The following GBF1 variants were observed in gnomAD, a reference collection of about 807,000 sequenced individuals.
GBF1 encodes the protein Golgi-specific brefeldin A-resistance guanine nucleotide exchange factor 1.
Under a neutral mutation model 210.5 loss-of-function variants are expected in GBF1, and 114 were observed. The observed-to-expected ratio is 0.54, with a 90% CI of 0.47 to 0.63. The LOEUF is 0.63. GBF1 is among the 30% of genes least tolerant of loss of function. GBF1 has a pLI of 0.00. For missense variants in GBF1, 1,851 were observed against 2,357.7 expected (o/e 0.79, Z 4.45); for synonymous variants, 850 against 889.2 (o/e 0.96, Z 0.78).
chr10:102,351,381 G>A lies in GBF1; in HGVS notation c.414+7G>A, dbSNP rs779363366. ...CCTGATGAAAATCCTTCAGGTAAGC[G>A]AGAGGGAAATAGCAATTAGGCTAAT... On this transcript the variant is annotated splice_region_variant and intron_variant, in intron 5 of 39. Coordinates refer to ENST00000369983, the MANE Select transcript of GBF1 (RefSeq NM_001377137.1). The A allele has an allele frequency of 1.1e-5, 16 of 1,446,860 alleles. No homozygotes were observed. The African/African-American group carries it at 1.7e-4, about 15-fold the overall frequency. 89.6% of individuals were successfully genotyped at this position (1,446,860 alleles called of 1,614,324 possible). A position where few individuals can be genotyped will look rare whatever the true frequency, so the allele number is the denominator to read the frequency against.
At chr10:102,316,277 G>A (rs181202390) in intron 3 of GBF1, among the ~76,000 whole-genome samples, 298 of 152,054 alleles carry the variant, frequency 2.0e-3, no homozygotes, top group African/African-American at 6.8e-3. Context: ...AGTAGAGATG[G>A]GATTTCACCG....
chr10:102,311,975 G>A (rs1038728376), intron 3 of GBF1, among the ~76,000 whole-genome samples: 26 of 152,240 alleles, frequency 1.7e-4, no homozygotes, highest in African/African-American at 6.3e-4. Context: ...TATAAGTATG[G>A]TGCACTGTTC....
At chr10:102,237,320 C>T in the GBF1 span, among the ~76,000 whole-genome samples, 11,952 of 152,046 alleles carry the variant, frequency 0.079, 541 homozygotes, top group African/African-American at 0.12. Context: ...ATTGGGAGTT[C>T]AAGAGGAAGA....
In GBF1 at chr10:102,260,123, C is replaced by T. The variant is rs777263649; in HGVS notation, c.163+7C>T. 3 of 1,404,966 alleles carry T rather than the reference C, an allele frequency of 2.1e-6. No individual in the cohort carries two copies. The highest frequency in any genetic ancestry group is 3.0e-6 in the Non-Finnish European group (3 of 993,250). 87.0% of individuals were successfully genotyped at this position (1,404,966 alleles called of 1,614,324 possible). ...GTTTTAAACAGTATAACAGGTAAGTCTCCATATGTATGTGGATTACTAATC... is the reference window on the plus strand; with the variant it reads ...GTTTTAAACAGTATAACAGGTAAGTTTCCATATGTATGTGGATTACTAATC... On this transcript the variant is annotated splice_region_variant and intron_variant, in intron 3 of 39. Coordinates refer to ENST00000369983, the MANE Select transcript of GBF1 (RefSeq NM_001377137.1).
At chr10:102,303,358 G>T (rs1458005761) in intron 3 of GBF1, among the ~76,000 whole-genome samples, 1 of 152,162 alleles carries the variant, frequency 6.6e-6, no homozygotes, top group Non-Finnish European at 1.5e-5. Flanking sequence ...AGTTGTCCCA[G>T]CAACATTTGT....
intron 13 of GBF1, 149 bp downstream of exon 13, chr10:102,361,269 C>T: frequency 1.6e-6 from 1 of 612,866 alleles, no homozygotes; most frequent in Non-Finnish European, 2.9e-6. Context: ...TCGGTTCAAT[C>T]AACTGGCCTC....
At chr10:102,377,595 C>G (rs562519590) in intron 33 of GBF1, among the ~76,000 whole-genome samples, 4 of 152,094 alleles carry the variant, frequency 2.6e-5, no homozygotes, top group African/African-American at 9.7e-5. Context: ...CCTCGTGATC[C>G]GCCTGCCTCG....
At position 102,366,676 on chromosome 10, in the gene GBF1, C is replaced by T. The variant is rs1303234329; in HGVS notation, c.2433+170C>T. 6.6e-6 allele frequency among the ~76,000 whole-genome samples: 1 copy of T among 151,682 alleles called. No individual in the cohort carries two copies. Among genetic ancestry groups the T allele is most frequent in the Non-Finnish European group, 1.5e-5 (1 of 67,904 alleles). Reference sequence around the variant, plus strand: ...GTCTCAGCACACTGCAACCTCCACCCCCCGGGTTCAAGCAATTCTCCTGCC... The same window carrying T: ...GTCTCAGCACACTGCAACCTCCACCTCCCGGGTTCAAGCAATTCTCCTGCC... On this transcript the variant is annotated intron_variant, in intron 19 of 39. Transcript: ENST00000369983. The surrounding 1 kb of genome is among the most constrained non-coding windows in gnomAD (Gnocchi z 4.0).
At chr10:102,369,527 A>G (rs910050296) in intron 24 of GBF1, 140 bp downstream of exon 24, 18 of 869,854 alleles carry the variant, frequency 2.1e-5, no homozygotes, top group Non-Finnish European at 2.9e-5. Flanking sequence ...CCTCAAATGT[A>G]AGACCACAGA....
upstream of GBF1, among the ~76,000 whole-genome samples, chr10:102,240,907 G>C (rs1394112445): frequency 6.6e-6 from 1 of 152,202 alleles, no homozygotes; most frequent in East Asian, 1.9e-4. Context: ...CCTAGGCCGA[G>C]GGGCATCGGG....
chr10:102,324,051 AAG>A (rs1477200011), intron 3 of GBF1, among the ~76,000 whole-genome samples: 2 of 152,144 alleles, frequency 1.3e-5, no homozygotes, highest in Non-Finnish European at 2.9e-5. Flanking sequence ...AAGTGGAAAA[AAG>A]AGAGTATTAT....
chr10:102,297,150 G>A (rs983086119), intron 3 of GBF1, among the ~76,000 whole-genome samples: 55 of 152,204 alleles, frequency 3.6e-4, no homozygotes, highest in African/African-American at 1.2e-3. Flanking sequence ...GTTCTATTTG[G>A]TCCCCAAGTG....
chr10:102,274,037 G>C (rs754702192), intron 3 of GBF1, among the ~76,000 whole-genome samples: 94 of 152,292 alleles, frequency 6.2e-4, no homozygotes, highest in Non-Finnish European at 3.7e-4. Context: ...TTTTCTGTTA[G>C]TGGAAGTTCA....
At chr10:102,230,953 G>C in the GBF1 span, 1 of 1,608,224 alleles carries the variant, frequency 6.2e-7, no homozygotes, top group Non-Finnish European at 8.5e-7. Flanking sequence ...AGCCTTGGGC[G>C]GCCAGTTGCC....
At chr10:102,368,945 C>A in intron 23 of GBF1, 113 bp downstream of exon 23, 1 of 727,696 alleles carries the variant, frequency 1.4e-6, no homozygotes. Context: ...CCCTCACTGC[C>A]CCCACTTGAA....
At chr10:102,252,558 G>A (rs1321488611) in intron 1 of GBF1, among the ~76,000 whole-genome samples, 1 of 151,768 alleles carries the variant, frequency 6.6e-6, no homozygotes, top group Non-Finnish European at 1.5e-5. Context: ...TAAAAAGTAG[G>A]AATGATGTGG....
At chr10:102,352,172 G>GGCACCAA (rs1358024347) in intron 6 of GBF1, among the ~76,000 whole-genome samples, 6 of 152,212 alleles carry the variant, frequency 3.9e-5, no homozygotes, top group Non-Finnish European at 4.4e-5. Flanking sequence ...ATGGATCCCA[G>GGCACCAA]ATTGACTTAG....
chr10:102,375,063 A>C (rs1478623725), intron 29 of GBF1, among the ~76,000 whole-genome samples: 1 of 151,756 alleles, frequency 6.6e-6, no homozygotes, highest in Non-Finnish European at 1.5e-5. Flanking sequence ...AGTCCCAGCT[A>C]CTCCAGAGAC....
chr10:102,275,339 C>T (rs2074856507), intron 3 of GBF1, among the ~76,000 whole-genome samples: 1 of 152,140 alleles, frequency 6.6e-6, no homozygotes, highest in African/African-American at 2.4e-5. Flanking sequence ...TAACTTTGAA[C>T]AGGATTTAGC....
Sources: allele counts gnomAD v4.1 joint callset (sites outside exome capture counted in the v4.1 genomes callset), GRCh38; gene constraint gnomAD v4.1.1; non-coding constraint Gnocchi (gnomAD v3.1); transcripts MANE v1.5; gene names NCBI Gene and HGNC (gene_info 2026-07-23, HGNC 2026-07-21).